Variants in ADAM23 observed in about 807,000 individuals in gnomAD.
ADAM23 encodes the protein disintegrin and metalloproteinase domain-containing protein 23.
ADAM23 carries 33 observed loss-of-function variants against 120.1 expected under a neutral mutation model. The observed-to-expected ratio is 0.27, with a 90% CI of 0.21 to 0.37. ADAM23 has a LOEUF of 0.37. ADAM23 is among the 10% of genes least tolerant of loss of function. The probability of loss-of-function intolerance (pLI) is 1.00; values close to 1 mark genes in which losing one functional copy is unlikely to be tolerated. For synonymous variants in ADAM23, 367 were observed against 375.2 expected (o/e 0.98, Z 0.25); for missense variants, 862 against 1,058.2 (o/e 0.81, Z 2.57).
intron 3 of ADAM23, among the ~76,000 whole-genome samples, chr2:206,511,546 G>A (rs1696623548): frequency 6.6e-6 from 1 of 152,180 alleles, no homozygotes; most frequent in African/African-American, 2.4e-5. Context: ...CTGCCTTGGA[G>A]GGGTGCATCC....
chr2:206,462,036 C>G (rs1437835170), intron 2 of ADAM23, among the ~76,000 whole-genome samples: 1 of 152,016 alleles, frequency 6.6e-6, no homozygotes, highest in African/African-American at 2.4e-5. Context: ...CACACTGCCT[C>G]GATTTATCAC....
At position 206,594,889 on chromosome 2, in the gene ADAM23, T is replaced by C; in HGVS notation, c.2231T>C (p.Val744Ala). The C allele has an allele frequency of 1.2e-6, 2 of 1,614,024 alleles. No individual in the cohort carries two copies. Residue 744 changes from valine (V) to alanine (A), a missense_variant, in exon 23 of 26, where the codon GTC becomes GCC. Coordinates refer to ENST00000264377, the MANE Select transcript of ADAM23 (RefSeq NM_003812.4). ...SSCPLDSKGK[V>A]CSGHGVCSNE... ...TGTCCACTCGATTCCAAGGGTAAAGTCTGTTCGGGCCATGGGGTAAGTAGG... is the reference window on the plus strand; with the variant it reads ...TGTCCACTCGATTCCAAGGGTAAAGCCTGTTCGGGCCATGGGGTAAGTAGG...
chr2:206,477,451 A>G (rs1396695611), intron 2 of ADAM23, among the ~76,000 whole-genome samples: 3 of 152,182 alleles, frequency 2.0e-5, no homozygotes, highest in Non-Finnish European at 2.9e-5. Flanking sequence ...TTCTGAGCCC[A>G]GGGACATGCT....
At chr2:206,480,817 A>G (rs1695881022) in intron 2 of ADAM23, among the ~76,000 whole-genome samples, 1 of 152,220 alleles carries the variant, frequency 6.6e-6, no homozygotes, top group Non-Finnish European at 1.5e-5. Flanking sequence ...AGAAAGTTCT[A>G]ATTCCTGCTG....
Position 206,559,978 on chromosome 2 carries a change from C to T in ADAM23, c.1029C>T (p.Thr343=), listed in dbSNP as rs1183505568. The change falls in exon 11 of 26, where the codon ACC becomes ACT. Residue 343 remains threonine (T), a synonymous_variant. Transcript: ENST00000264377. ...AGATTTACAAGGAGCAGCTCAACAC[C>T]AGGGTTGTCCTGGTGGCTGTAGAGA... ...VDSIYKEQLN[T]RVVLVAVETW... The T allele has an allele frequency of 1.2e-6, 2 of 1,613,750 alleles. No individual in the cohort carries two copies. Among genetic ancestry groups the T allele is most frequent in the African/African-American group, 2.7e-5 (2 of 74,902 alleles).
At chr2:206,591,345 TTTC>T (rs1698422017) in intron 21 of ADAM23, among the ~76,000 whole-genome samples, 1 of 152,194 alleles carries the variant, frequency 6.6e-6, no homozygotes, top group Non-Finnish European at 1.5e-5. Context: ...TGGCAGTCAC[TTTC>T]TTGCTTTTCT....
At chr2:206,445,574 T>C in intron 2 of ADAM23, 50 bp downstream of exon 2, 1 of 1,468,570 alleles carries the variant, frequency 6.8e-7, no homozygotes, top group Non-Finnish European at 9.3e-7. Context: ...AGAGTTTTCC[T>C]TTGATTTGAT....
At position 206,561,129 on chromosome 2, in the gene ADAM23, C is replaced by T. The variant is rs749823308; in HGVS notation, c.1171C>T (p.Arg391Trp). The change falls in exon 12 of 26, where the codon CGG becomes TGG. Residue 391 changes from arginine (R) to tryptophan (W), a missense_variant and splice_region_variant. Arg to Trp is a moderately radical substitution (Grantham distance 101). Transcript: ENST00000264377. ...CTGATAGCACTGCTTTTTCTTAAGGCGGGTGACATTTCACTATAAGAGAAG... is the reference window on the plus strand; with the variant it reads ...CTGATAGCACTGCTTTTTCTTAAGGTGGGTGACATTTCACTATAAGAGAAG... The part of the protein sequence containing the change: ...QHADAVHLIS[R>W]VTFHYKRSSL... The T allele has an allele frequency of 4.3e-6, 7 of 1,613,738 alleles. No homozygotes were observed. Among genetic ancestry groups the T allele is most frequent in the Admixed American group, 3.3e-5 (2 of 60,008 alleles).
At chr2:206,508,101 C>T (rs1343631816) in intron 3 of ADAM23, among the ~76,000 whole-genome samples, 1 of 152,118 alleles carries the variant, frequency 6.6e-6, no homozygotes, top group East Asian at 1.9e-4. Flanking sequence ...GCAATCTCGG[C>T]TCACTGCAAG....
chr2:206,464,986 C>G (rs1695512009), intron 2 of ADAM23, among the ~76,000 whole-genome samples: 1 of 152,038 alleles, frequency 6.6e-6, no homozygotes, highest in South Asian at 2.1e-4. Context: ...TACATTGCAT[C>G]TAGTTGCTCA....
intron 2 of ADAM23, among the ~76,000 whole-genome samples, chr2:206,477,891 A>ATATATATATATATATAT (rs1229595648): frequency 2.5e-4 from 24 of 94,384 alleles, no homozygotes; most frequent in South Asian, 8.7e-4. Context: ...AAAAAAAAAA[A>ATATATATATATATATAT]AAAAAAATAT....
At chr2:206,489,279 C>T (rs1160077584) in intron 3 of ADAM23, among the ~76,000 whole-genome samples, 1 of 152,140 alleles carries the variant, frequency 6.6e-6, no homozygotes, top group Non-Finnish European at 1.5e-5. Context: ...TCATTGCTGG[C>T]CTTTTTCTCT....
intron 4 of ADAM23, among the ~76,000 whole-genome samples, chr2:206,541,782 C>T (rs1357725316): frequency 2.3e-4 from 35 of 152,276 alleles, no homozygotes; most frequent in Admixed American, 2.2e-3. Flanking sequence ...ACAATACATA[C>T]TTAAGAAATG....
At chr2:206,597,794 A>T (rs1698558671) in intron 24 of ADAM23, among the ~76,000 whole-genome samples, 1 of 152,156 alleles carries the variant, frequency 6.6e-6, no homozygotes. Flanking sequence ...TTTGGATGAA[A>T]GTTTATTGAA....
chr2:206,580,021 C>T (rs181233728), intron 18 of ADAM23, among the ~76,000 whole-genome samples: 65 of 151,622 alleles, frequency 4.3e-4, no homozygotes, highest in African/African-American at 1.3e-3. Context: ...TCTGATTGAT[C>T]GCTGTTGGTG....
At chr2:206,472,565 C>T (rs1024794425) in intron 2 of ADAM23, among the ~76,000 whole-genome samples, 1 of 149,772 alleles carries the variant, frequency 6.7e-6, no homozygotes, top group Non-Finnish European at 1.5e-5. Context: ...GTGCTGAGAT[C>T]ATGTCACTGT....
intron 2 of ADAM23, among the ~76,000 whole-genome samples, chr2:206,474,148 A>G (rs1386496763): frequency 1.3e-5 from 2 of 152,198 alleles, no homozygotes; most frequent in Non-Finnish European, 2.9e-5. Flanking sequence ...CAATTGGAAC[A>G]TGGTAGAAGA....
intron 22 of ADAM23, among the ~76,000 whole-genome samples, chr2:206,594,472 C>T (rs1033755150): frequency 3.3e-5 from 5 of 152,056 alleles, no homozygotes; most frequent in African/African-American, 4.8e-5. Flanking sequence ...CTTGAAAACA[C>T]GTGAAGATTT....
intron 3 of ADAM23, among the ~76,000 whole-genome samples, chr2:206,488,409 G>C (rs1177719685): frequency 6.6e-6 from 1 of 152,156 alleles, no homozygotes; most frequent in Non-Finnish European, 1.5e-5. Flanking sequence ...GATTCCATGG[G>C]ACTCCTACAG....
Sources: allele counts gnomAD v4.1 joint callset (sites outside exome capture counted in the v4.1 genomes callset), GRCh38; gene constraint gnomAD v4.1.1; transcripts MANE v1.5; gene names NCBI Gene and HGNC (gene_info 2026-07-23, HGNC 2026-07-21).